LEPR: variants seen among roughly 807,000 people sequenced by gnomAD.
LEPR encodes the protein OB receptor.
LEPR carries 56 observed loss-of-function variants against 114.7 expected under a neutral mutation model. That is an observed-to-expected ratio of 0.49 (90% CI 0.39 to 0.61). The LOEUF (loss-of-function observed/expected upper bound fraction) is 0.61, where lower values mean the gene tolerates loss of function less well. Among genes scored for constraint, LEPR ranks in the 20% least tolerant of loss-of-function variants. The pLI is 0.00. For synonymous variants in LEPR, 443 were observed against 461.4 expected (o/e 0.96, Z 0.51); for missense variants, 1,202 against 1,352.9 (o/e 0.89, Z 1.75).
At chr1:65,449,698 T>A (rs576696406) in intron 2 of LEPR, among the ~76,000 whole-genome samples, 10 of 151,880 alleles carry the variant, frequency 6.6e-5, no homozygotes, top group South Asian at 6.2e-4. Flanking sequence ...TTTTTTTTTT[T>A]AAATAGCTTT....
intron 2 of LEPR, among the ~76,000 whole-genome samples, chr1:65,496,401 T>C (rs1381684610): frequency 6.6e-6 from 1 of 151,984 alleles, no homozygotes; most frequent in Non-Finnish European, 1.5e-5. Flanking sequence ...GGCGAAACCC[T>C]GTCTCTACAA....
chr1:65,460,036 G>A lies in LEPR; in HGVS notation c.-21+34658G>A, dbSNP rs115078758. On this transcript the variant is annotated intron_variant, in intron 2 of 19. Coordinates refer to ENST00000349533, the MANE Select transcript of LEPR (RefSeq NM_002303.6). The stretch of plus-strand genomic sequence containing the variant: ...TGTTTTGCTGTTTAGTTTTCTTCAC[G>A]GTACTTATCACTAAATTATCCTTTT... Among the ~76,000 whole-genome samples the A allele has an allele frequency of 5.1e-3, 764 of 150,666 alleles. 7 individuals carry two copies. Among genetic ancestry groups the A allele is most frequent in the African/African-American group, 0.018 (730 of 41,016 alleles).
intron 2 of LEPR, among the ~76,000 whole-genome samples, chr1:65,558,526 G>A (rs1463178762): frequency 1.3e-4 from 1 of 7,746 alleles, no homozygotes; most frequent in Non-Finnish European, 2.3e-4. Context: ...TGAATCAGAA[G>A]TTTTTTTTTT....
chr1:65,618,811 T>C (rs1657697671), intron 16 of LEPR, among the ~76,000 whole-genome samples: 1 of 152,206 alleles, frequency 6.6e-6, no homozygotes, highest in South Asian at 2.1e-4. Flanking sequence ...TGAGATTCTT[T>C]ATGTTGCTTC....
chr1:65,501,800 G>A (rs1648467469), intron 2 of LEPR, among the ~76,000 whole-genome samples: 1 of 152,022 alleles, frequency 6.6e-6, no homozygotes, highest in Non-Finnish European at 1.5e-5. Flanking sequence ...TAACACAAGG[G>A]TCCAAGGAGG....
intron 1 of LEPR, chr1:65,421,248 G>A: frequency 2.9e-6 from 4 of 1,394,448 alleles, no homozygotes; most frequent in South Asian, 3.1e-5. Flanking sequence ...CAGAAAGACG[G>A]TGTTTCTCGC....
In LEPR at chr1:65,451,599, A is replaced by G. The variant is rs530622964; in HGVS notation, c.-21+26221A>G. ...GATCAGATAGTTGTAGATATGCAGC[A>G]TTATTTCTGAGGGCTCTGTTCTGTT... On this transcript the variant is annotated intron_variant, in intron 2 of 19. Coordinates refer to ENST00000349533, the MANE Select transcript of LEPR (RefSeq NM_002303.6). 7.0e-4 allele frequency among the ~76,000 whole-genome samples: 107 copies of G among 152,250 alleles called. 1 individual carries two copies. The highest frequency in any genetic ancestry group is 2.3e-3 in the African/African-American group (95 of 41,536).
chr1:65,587,499 T>C (rs1173134981), intron 5 of LEPR, among the ~76,000 whole-genome samples: 1 of 152,094 alleles, frequency 6.6e-6, no homozygotes, highest in Non-Finnish European at 1.5e-5. Flanking sequence ...TTGTCTTTGA[T>C]ATTCACACCC....
intron 2 of LEPR, chr1:65,526,522 T>C: frequency 1.4e-6 from 1 of 693,106 alleles, no homozygotes; most frequent in Non-Finnish European, 1.8e-6. Context: ...TTCTGGGCTC[T>C]TGTCAGCCTA....
At chr1:65,518,546 T>G (rs1649401466) in intron 2 of LEPR, among the ~76,000 whole-genome samples, 1 of 152,232 alleles carries the variant, frequency 6.6e-6, no homozygotes. Context: ...GATAACATTT[T>G]AAGTCATCAA....
chr1:65,479,007 G>A (rs184909418), intron 2 of LEPR, among the ~76,000 whole-genome samples: 12 of 152,280 alleles, frequency 7.9e-5, no homozygotes, highest in Admixed American at 4.6e-4. Flanking sequence ...GTCCAGTTTC[G>A]TTTTGCAGGA....
chr1:65,492,013 G>A lies in LEPR; in HGVS notation c.-21+66635G>A, dbSNP rs185152347. On this transcript the variant is annotated intron_variant, in intron 2 of 19. Coordinates refer to ENST00000349533, the MANE Select transcript of LEPR (RefSeq NM_002303.6). Reference sequence around the variant, plus strand: ...ATACTGTTTCTACCCATTCCAAAAAGTATAGCTAGATAATTTGTAAATTCA... The same window carrying A: ...ATACTGTTTCTACCCATTCCAAAAAATATAGCTAGATAATTTGTAAATTCA... Among the ~76,000 whole-genome samples, 62 of 152,188 alleles carry A rather than the reference G, an allele frequency of 4.1e-4. 1 individual carries two copies. The highest frequency in any genetic ancestry group is 1.2e-3 in the African/African-American group (48 of 41,530).
At chr1:65,499,004 C>T (rs1041714244) in intron 2 of LEPR, among the ~76,000 whole-genome samples, 2 of 151,962 alleles carry the variant, frequency 1.3e-5, no homozygotes, top group African/African-American at 4.8e-5. Context: ...ATGTATGTCT[C>T]AAGGGTAAAT....
At chr1:65,481,114 T>G (rs574160794) in intron 2 of LEPR, among the ~76,000 whole-genome samples, 4 of 152,304 alleles carry the variant, frequency 2.6e-5, no homozygotes, top group African/African-American at 9.6e-5. Context: ...TCCTACTGTA[T>G]CCTCACGTGG....
chr1:65,436,176 CAG>C (rs1646560508), intron 2 of LEPR, among the ~76,000 whole-genome samples: 1 of 152,150 alleles, frequency 6.6e-6, no homozygotes, highest in Admixed American at 6.5e-5. Flanking sequence ...TGAAGAGAAA[CAG>C]TTCAGGAATG....
chr1:65,485,022 G>A (rs966361489), intron 2 of LEPR, among the ~76,000 whole-genome samples: 2 of 152,122 alleles, frequency 1.3e-5, no homozygotes, highest in Admixed American at 6.6e-5. Flanking sequence ...GACAGAAGCC[G>A]GATAGTAAAG....
intron 2 of LEPR, among the ~76,000 whole-genome samples, chr1:65,465,428 G>A (rs1227501774): frequency 6.6e-6 from 1 of 152,188 alleles, no homozygotes. Context: ...ATTTGCTGAG[G>A]AGTGTTTTAC....
chr1:65,625,980 C>G (rs530562729), intron 19 of LEPR: 12 of 683,340 alleles, frequency 1.8e-5, no homozygotes, highest in Non-Finnish European at 2.8e-5. Context: ...GAAACACTCT[C>G]TCTTCAGCAT....
At chr1:65,520,441 A>T (rs1290297745) in intron 2 of LEPR, among the ~76,000 whole-genome samples, 1 of 152,182 alleles carries the variant, frequency 6.6e-6, no homozygotes, top group African/African-American at 2.4e-5. Flanking sequence ...ACATCACTCT[A>T]TTGATCACAT....
Sources: allele counts gnomAD v4.1 joint callset (sites outside exome capture counted in the v4.1 genomes callset), GRCh38; gene constraint gnomAD v4.1.1; transcripts MANE v1.5; gene names NCBI Gene and HGNC (gene_info 2026-07-23, HGNC 2026-07-21).